The following MYH2 variants were observed in gnomAD, a reference collection of about 807,000 sequenced individuals.
MYH2 encodes myosin-2.
In MYH2, 139 loss-of-function variants were observed where a neutral mutation model predicts 228.1. That is an observed-to-expected ratio of 0.61 (90% CI 0.53 to 0.70). MYH2 has a LOEUF of 0.70. Among genes scored for constraint, MYH2 ranks in the 30% least tolerant of loss-of-function variants. The pLI, the probability that MYH2 is intolerant of heterozygous loss-of-function variation, is 0.00. For synonymous variants in MYH2, 796 were observed against 871.1 expected (o/e 0.91, Z 1.52); for missense variants, 1,809 against 2,357.5 (o/e 0.77, Z 4.82).
At chr17:10,527,683 A>G in intron 28 of MYH2, 65 bp downstream of exon 28, 1 of 1,610,918 alleles carries the variant, frequency 6.2e-7, no homozygotes, top group Non-Finnish European at 8.5e-7. Flanking sequence ...ACTTCACCAA[A>G]TCAGTCCGTT....
chr17:10,525,787 C>T lies in MYH2; in HGVS notation c.4277G>A (p.Arg1426Gln), dbSNP rs772223576. Reference protein sequence around the residue: ...KCASLEKTKQRLQNEVEDLML... With the variant: ...KCASLEKTKQQLQNEVEDLML... ...GAGGTCCTCGACCTCATTCTGCAGC[C>T]GCTGCTTCGTCTTTTCGAGGGAAGC... Residue 1426 changes from arginine to glutamine, a missense_variant, in exon 31 of 40, where the codon CGG (arginine) becomes CAG (glutamine). Coordinates refer to ENST00000245503, the MANE Select transcript of MYH2 (RefSeq NM_017534.6). This position sits in a 1 kb window ranked among gnomAD's most constrained non-coding sequence, Gnocchi z 4.2. 1.7e-5 allele frequency: 27 copies of T among 1,614,174 alleles called. No homozygotes were observed. Among genetic ancestry groups the T allele is most frequent in the Non-Finnish European group, 2.1e-5 (25 of 1,180,022 alleles).
At chr17:10,536,830 G>C (rs556736800) in intron 16 of MYH2, among the ~76,000 whole-genome samples, 1 of 152,314 alleles carries the variant, frequency 6.6e-6, no homozygotes, top group Admixed American at 6.5e-5. Flanking sequence ...ACCGTATAGA[G>C]AGGGATTCCC....
Position 10,539,571 on chromosome 17 carries a change from A to G in MYH2, c.1148-9T>C. On this transcript the variant is annotated splice_polypyrimidine_tract_variant and intron_variant, in intron 12 of 39. Coordinates refer to ENST00000245503, the MANE Select transcript of MYH2 (RefSeq NM_017534.6). ...GGCCGCCTTGTCAGCAACTAAAAAG[A>G]AGAAAGAGTAGAACAATGTTATTGT... 1 of 1,604,680 alleles carries G rather than the reference A, an allele frequency of 6.2e-7. No individual in the cohort carries two copies. The highest frequency in any genetic ancestry group is 8.5e-7 in the Non-Finnish European group (1 of 1,171,426).
Position 10,542,939 on chromosome 17 carries a change from A to G in MYH2, c.840T>C (p.Leu280=), listed in dbSNP as rs1221572255. ...AAATATGATAACTTCTCTCAGCCTT[A>G]AGCTGGAAAACAACTCTAGACTTCT... ...LLEKSRVVFQ[L]KAERSYHIFY... is the part of the protein sequence containing the mutation. Residue 280 remains leucine, a synonymous_variant, in exon 10 of 40, where the codon CTT becomes CTC. Transcript: ENST00000245503. 1 of 1,612,906 alleles carries G rather than the reference A, an allele frequency of 6.2e-7. No individual in the cohort carries two copies. The highest frequency in any genetic ancestry group is 1.1e-5 in the South Asian group (1 of 91,038).
At position 10,521,189 on chromosome 17, in the gene MYH2, A is replaced by G; in HGVS notation, c.*91T>C. On this transcript the variant is annotated 3_prime_UTR_variant, in exon 40 of 40. Coordinates refer to ENST00000245503, the MANE Select transcript of MYH2 (RefSeq NM_017534.6). ...CCCTATGCTTTATTTCCTTTGCAAC[A>G]GGGTAGAATACACAATAATTACAGA... 1 of 1,458,960 alleles carries G rather than the reference A, an allele frequency of 6.9e-7. No homozygotes were observed. Among genetic ancestry groups the G allele is most frequent in the East Asian group, 2.3e-5 (1 of 44,070 alleles). The allele number at this position is 1,458,960 out of a possible 1,614,324, so 90.4% of individuals were successfully genotyped here.
At chr17:10,536,426 A>C in intron 17 of MYH2, 104 bp downstream of exon 17, 1 of 910,430 alleles carries the variant, frequency 1.1e-6, no homozygotes, top group Non-Finnish European at 1.7e-6. Flanking sequence ...GTATATGAAT[A>C]GATAAATATA....
chr17:10,542,624 A>G (rs1263743772), intron 10 of MYH2, among the ~76,000 whole-genome samples: 1 of 152,160 alleles, frequency 6.6e-6, no homozygotes, highest in Non-Finnish European at 1.5e-5. Flanking sequence ...GACTAGAGAG[A>G]TATTCATCCA....
chr17:10,522,615 T>C (rs756441956), intron 39 of MYH2, among the ~76,000 whole-genome samples: 1 of 152,106 alleles, frequency 6.6e-6, no homozygotes, highest in Non-Finnish European at 1.5e-5. Flanking sequence ...TGGTTCATAA[T>C]GAAAGCATTT....
At position 10,545,334 on chromosome 17, in the gene MYH2, C is replaced by T. The variant is rs765433727; in HGVS notation, c.505+12G>A. ...AAGGTTTACGCACTTGCAAAGCATT[C>T]GGCTCACTCACCAGTCAGCATGAAC... On this transcript the variant is annotated intron_variant, in intron 5 of 39. Transcript: ENST00000245503. The T allele has an allele frequency of 8.7e-6, 14 of 1,612,886 alleles. No individual in the cohort carries two copies. In the South Asian group the frequency reaches 1.3e-4, roughly 15 times the overall value.
In MYH2 at chr17:10,524,532, C is replaced by T; in HGVS notation, c.5109G>A (p.Arg1703=). 3 of 1,614,186 alleles carry T rather than the reference C, an allele frequency of 1.9e-6. No homozygotes were observed. The highest frequency in any genetic ancestry group is 2.5e-6 in the Non-Finnish European group (3 of 1,180,038). ...ELRATLEQTE[R]SRKIAEQELL... is the part of the protein sequence containing the mutation. ...GCTCCTGTTCTGCGATTTTTCTGCT[C>T]CTCTCTGTCTGTTCCAGAGTGGCCC... The change falls in exon 35 of 40, where the codon AGG becomes AGA. Residue 1703 remains arginine (R), a synonymous_variant. Transcript: ENST00000245503. The surrounding 1 kb of genome is among the most constrained non-coding windows in gnomAD (Gnocchi z 4.7).
rs2073383631 is a variant in MYH2, at chr17:10,528,610, G to A, written c.3744+80C>T. On this transcript the variant is annotated intron_variant, in intron 27 of 39. Transcript: ENST00000245503. ...TACTGCAGTTAACAAATGACTTAAT[G>A]TGTAAAAAGTGCCCTGTGCAAACTA... The A allele has an allele frequency of 3.8e-6, 6 of 1,599,202 alleles. No individual in the cohort carries two copies. The East Asian group carries it at 1.1e-4, about 30-fold the overall frequency.
intron 17 of MYH2, among the ~76,000 whole-genome samples, chr17:10,535,602 C>T (rs2073474191): frequency 6.6e-6 from 1 of 152,204 alleles, no homozygotes; most frequent in South Asian, 2.1e-4. Flanking sequence ...GCATGTGCTT[C>T]TTTTCAGTTT....
chr17:10,524,795 C>T lies in MYH2; in HGVS notation c.4933G>A (p.Ala1645Thr). 1 of 1,614,154 alleles carries T rather than the reference C, an allele frequency of 6.2e-7. No individual in the cohort carries two copies. Among genetic ancestry groups the T allele is most frequent in the Non-Finnish European group, 8.5e-7 (1 of 1,180,026 alleles). ...TGGGTGTTCCTGTAGTTCCTCAGGG[C>T]CTCAGCAGCCATGCGGTTGGCATGG... ...LNHANRMAAE[A>T]LRNYRNTQGI... The change falls in exon 34 of 40, where the codon GCC (alanine) becomes ACC (threonine). Residue 1645 changes from alanine (A) to threonine (T), a missense_variant. This residue lies in a region of MYH2 where 75 missense variants were observed against 131.2 expected (regional missense o/e 0.57). Coordinates refer to ENST00000245503, the MANE Select transcript of MYH2 (RefSeq NM_017534.6). The surrounding 1 kb of genome is among the most constrained non-coding windows in gnomAD (Gnocchi z 4.7).
chr17:10,531,244 G>T (rs575565077), intron 22 of MYH2, among the ~76,000 whole-genome samples: 2 of 152,120 alleles, frequency 1.3e-5, no homozygotes, highest in East Asian at 3.9e-4. Context: ...TTTAAGACCC[G>T]TGGACATCTA....
intron 28 of MYH2, 42 bp downstream of exon 28, chr17:10,527,706 A>C (rs773447171): frequency 9.9e-6 from 16 of 1,613,144 alleles, no homozygotes; most frequent in Non-Finnish European, 1.3e-5. Flanking sequence ...TCTTAATCAC[A>C]TCCTCTCCAC....
rs754340163 is a variant in MYH2, at chr17:10,524,867, T to C, written c.4861A>G (p.Lys1621Glu). The change falls in exon 34 of 40, where the codon AAG (lysine) becomes GAG (glutamate). Residue 1621 changes from lysine to glutamate, a missense_variant. Lys to Glu is a moderately conservative substitution (Grantham distance 56, BLOSUM62 1). Transcript: ENST00000245503. The surrounding 1 kb of genome is among the most constrained non-coding windows in gnomAD (Gnocchi z 4.7). The stretch of plus-strand genomic sequence containing the variant: ...TTGAGGTCTCCCTCCATCTTCTTCT[T>C]GAGCCTAATGGCATCATTCCTACTC... ...IRSRNDAIRL[K>E]KKMEGDLNEM... The C allele has an allele frequency of 2.5e-6, 4 of 1,613,990 alleles. No individual in the cohort carries two copies. The highest frequency in any genetic ancestry group is 3.4e-6 in the Non-Finnish European group (4 of 1,180,034).
rs35760495 is a variant in MYH2 at position 10,540,771 on chromosome 17, G to A, written c.905-74C>T. On this transcript the variant is annotated intron_variant, in intron 10 of 39. Transcript: ENST00000245503. ...AAAACAAGAGATTTCTAGACAAATTGTGAGGCACTATATTGTTGTGGGAAC... is the reference window on the plus strand; with the variant it reads ...AAAACAAGAGATTTCTAGACAAATTATGAGGCACTATATTGTTGTGGGAAC... The A allele has an allele frequency of 0.059, 76,930 of 1,314,044 alleles. 2,570 individuals are homozygous for A. The highest frequency in any genetic ancestry group is 0.11 in the South Asian group (9,055 of 81,670). 81.4% of individuals were successfully genotyped at this position (1,314,044 alleles called of 1,614,324 possible). A position where few individuals can be genotyped will look rare whatever the true frequency, so the allele number is the denominator to read the frequency against.
rs576886464 is a variant in MYH2 at position 10,547,718 on chromosome 17, G to A, written c.203C>T (p.Ala68Val). 1.8e-5 allele frequency: 29 copies of A among 1,614,130 alleles called. No individual in the cohort carries two copies. In the South Asian group the frequency reaches 2.1e-4, roughly 12 times the overall value. Residue 68 changes from alanine (A) to valine (V), a missense_variant and splice_region_variant, in exon 3 of 40, where the codon GCG (alanine) becomes GTG (valine). Physicochemically the swap from Ala to Val is moderately conservative, Grantham distance 64. Around this residue, in one of 9 missense-constraint regions of MYH2, gnomAD observed 84 missense variants for 81.8 expected, o/e 1.03. Transcript: ENST00000245503. ...GCAAGCTCCTGGGATTCTACTCACC[G>A]CTCCTCCCTCAGTCTTCACCGTCAC... is the stretch of plus-strand genomic sequence containing the variant. ...GKVTVKTEGG[A>V]TLTVKDDQVF...
At chr17:10,522,999 A>C (rs2073302615) in intron 39 of MYH2, 91 bp downstream of exon 39, 2 of 841,636 alleles carry the variant, frequency 2.4e-6, no homozygotes, top group Admixed American at 1.9e-5. Flanking sequence ...ATATGCATGC[A>C]GTAGTCTTTA....
Sources: allele counts gnomAD v4.1 joint callset (sites outside exome capture counted in the v4.1 genomes callset), GRCh38; gene constraint gnomAD v4.1.1; regional missense constraint gnomAD v4.1.1; non-coding constraint Gnocchi (gnomAD v3.1); transcripts MANE v1.5; gene names NCBI Gene and HGNC (gene_info 2026-07-23, HGNC 2026-07-21).